The following PINLYP variants were observed in gnomAD, a reference collection of about 807,000 sequenced individuals.
PINLYP encodes the protein phospholipase A2 inhibitor and Ly6/PLAUR domain-containing protein.
A neutral mutation model predicts 15.8 loss-of-function variants in PINLYP; 12 were observed. The ratio of observed to expected loss-of-function variants is 0.76; its 90% CI spans 0.49 to 1.23. PINLYP has a LOEUF of 1.23. Ranked by LOEUF, PINLYP falls within the 50% of genes most tolerant of loss-of-function variation. The probability of loss-of-function intolerance (pLI) is 0.00; values close to 1 mark genes in which losing one functional copy is unlikely to be tolerated. For synonymous variants in PINLYP, 93 were observed against 97.7 expected, an observed-to-expected ratio of 0.95 and a Z score of 0.28; for missense variants, 278 against 264.2, an observed-to-expected ratio of 1.05 and a Z score of -0.36.
upstream of PINLYP, chr19:43,575,714 C>G: frequency 2.6e-6 from 1 of 390,520 alleles, no homozygotes; most frequent in South Asian, 5.7e-5. Context: ...CCCTCCGCCA[C>G]ACACAACCCC....
At chr19:43,580,524 T>G (rs1034289355) in intron 3 of PINLYP, 2 of 981,146 alleles carry the variant, frequency 2.0e-6, no homozygotes, top group Non-Finnish European at 2.4e-6. Context: ...GGCGGGGAGT[T>G]GAGGAGGCTG....
At chr19:43,578,836 G>A in intron 3 of PINLYP, 130 bp downstream of exon 3, 1 of 667,156 alleles carries the variant, frequency 1.5e-6, no homozygotes. Context: ...GTGGAGAGCA[G>A]GAAAGAGGGA....
intron 3 of PINLYP, among the ~76,000 whole-genome samples, chr19:43,579,277 G>A (rs1972902319): frequency 6.6e-6 from 1 of 151,770 alleles, no homozygotes; most frequent in Non-Finnish European, 1.5e-5. Flanking sequence ...ACAGAGTCTC[G>A]CTCTGTCACC....
At chr19:43,577,876 C>A (rs1309814915) in intron 2 of PINLYP, among the ~76,000 whole-genome samples, 2 of 151,930 alleles carry the variant, frequency 1.3e-5, no homozygotes, top group Non-Finnish European at 2.9e-5. Flanking sequence ...ACTGCACTCC[C>A]CAGCCTGGGT....
rs193179116 is a variant in PINLYP at position 43,581,372 on chromosome 19, G to A, written c.340+8G>A. The A allele has an allele frequency of 2.0e-6, 3 of 1,536,584 alleles. No homozygotes were observed. The African/African-American group carries it at 4.1e-5, about 21-fold the overall frequency. On this transcript the variant is annotated splice_region_variant and intron_variant, in intron 4 of 5. Coordinates refer to ENST00000599207, the Ensembl canonical transcript of PINLYP. ...ACAGTGCCTTTTTGTCTGGTAAGAAGCCCGTGGTGTGTGGTGTGTGCTCTG... is the reference window on the plus strand; with the variant it reads ...ACAGTGCCTTTTTGTCTGGTAAGAAACCCGTGGTGTGTGGTGTGTGCTCTG...
Position 43,581,851 on chromosome 19 carries a change from T to A in PINLYP, c.482-17T>A. 6.5e-7 allele frequency: 1 copy of A among 1,536,614 alleles called. No individual in the cohort carries two copies. The highest frequency in any genetic ancestry group is 1.2e-5 in the South Asian group (1 of 84,062). On this transcript the variant is annotated splice_polypyrimidine_tract_variant and intron_variant, in intron 5 of 5. Coordinates refer to ENST00000599207, the Ensembl canonical transcript of PINLYP. ...GGGGCTGAGGTCCCTGATTCCAGTC[T>A]GAAATCTCCCTTTCAGGTATTTTCA...
At chr19:43,578,754 C>T in intron 3 of PINLYP, 48 bp downstream of exon 3, 2 of 1,414,752 alleles carry the variant, frequency 1.4e-6, no homozygotes. Context: ...GGTGTACCTT[C>T]AGGGTGGAAG....
exon 5 of PINLYP, chr19:43,581,600 C>T (rs903024371): frequency 2.6e-6 from 4 of 1,536,394 alleles, no homozygotes; most frequent in Admixed American, 3.9e-5. Flanking sequence ...GCCTGATGTG[C>T]CCCGCCTGCA....
At chr19:43,581,673 T>G (rs1568523495) in exon 5 of PINLYP, 1 of 1,536,410 alleles carries the variant, frequency 6.5e-7, no homozygotes. Flanking sequence ...GGAAAACCAC[T>G]GCGTCTCCTT....
chr19:43,576,534 C>A (rs1160204697), exon 1 of PINLYP, among the ~76,000 whole-genome samples: 1 of 152,142 alleles, frequency 6.6e-6, no homozygotes, highest in East Asian at 1.9e-4. Flanking sequence ...CTCAGTTTCC[C>A]AATATGTGGA....
chr19:43,579,668 G>A (rs1972906699), intron 3 of PINLYP, among the ~76,000 whole-genome samples: 1 of 150,574 alleles, frequency 6.6e-6, no homozygotes, highest in African/African-American at 2.4e-5. Context: ...GGAGGTTGAG[G>A]TGGGAGGATC....
At position 43,577,243 on chromosome 19, in the gene PINLYP, T is replaced by G. The variant is rs761058024; in HGVS notation, c.52T>G (p.Cys18Gly). The stretch of plus-strand genomic sequence containing the variant: ...CTTTCTGCTGGCCTTTGTGTTGCTC[T>G]GCACCCTCCTGGGTCTTGGTAAGTG... Residue 18 changes from cysteine to glycine, a missense_variant, in exon 2 of 6, where the codon TGC (cysteine) becomes GGC (glycine). Physicochemically the swap from Cys to Gly is radical, Grantham distance 159. Coordinates refer to ENST00000599207, the Ensembl canonical transcript of PINLYP. 1.1e-4 allele frequency: 173 copies of G among 1,535,962 alleles called. No individual in the cohort carries two copies. The highest frequency in any genetic ancestry group is 1.5e-4 in the Non-Finnish European group (169 of 1,146,892).
At chr19:43,578,095 A>G (rs1184510714) in intron 2 of PINLYP, among the ~76,000 whole-genome samples, 1 of 151,984 alleles carries the variant, frequency 6.6e-6, no homozygotes, top group African/African-American at 2.4e-5. Flanking sequence ...AGAACCAAGA[A>G]GTTCAAGTCC....
At chr19:43,580,554 G>A in intron 3 of PINLYP, 1 of 985,054 alleles carries the variant, frequency 1.0e-6, no homozygotes, top group Non-Finnish European at 1.2e-6. Flanking sequence ...ATTTCACGAA[G>A]GCATGGGGGT....
At chr19:43,577,630 C>T (rs544874702) in intron 2 of PINLYP, among the ~76,000 whole-genome samples, 3 of 151,122 alleles carry the variant, frequency 2.0e-5, no homozygotes, top group East Asian at 1.9e-4. Context: ...AGGCCAGGTG[C>T]GGTGGCTCAT....
chr19:43,579,371 G>A (rs1436972908), intron 3 of PINLYP, among the ~76,000 whole-genome samples: 5 of 151,746 alleles, frequency 3.3e-5, no homozygotes, highest in African/African-American at 9.7e-5. Flanking sequence ...TCAGCCTCCC[G>A]AGTAGCTGGA....
chr19:43,580,733 A>C (rs1321025261), intron 3 of PINLYP: 14 of 963,992 alleles, frequency 1.5e-5, no homozygotes, highest in Non-Finnish European at 1.6e-5. Flanking sequence ...AGCGGGAGGG[A>C]GGGCTACCTA....
At chr19:43,577,362 G>A (rs2146079982) in intron 2 of PINLYP, 101 bp downstream of exon 2, 1 of 1,231,548 alleles carries the variant, frequency 8.1e-7, no homozygotes, top group African/African-American at 1.5e-5. Flanking sequence ...CCTTCAGCAA[G>A]TCCTCAAGGT....
intron 4 of PINLYP, 75 bp from the exon 5 acceptor site, chr19:43,581,488 T>G: frequency 6.6e-7 from 1 of 1,506,860 alleles, no homozygotes; most frequent in South Asian, 1.3e-5. Flanking sequence ...ACCCTGGTGT[T>G]TCCCGGGGTT....
Sources: allele counts gnomAD v4.1 joint callset (sites outside exome capture counted in the v4.1 genomes callset), GRCh38; gene constraint gnomAD v4.1.1; transcripts MANE v1.5; gene names NCBI Gene and HGNC (gene_info 2026-07-23, HGNC 2026-07-21).